The following SHISA9 variants were observed in gnomAD, a reference collection of about 807,000 sequenced individuals.
SHISA9 encodes the protein protein shisa-9.
A neutral mutation model predicts 38.0 loss-of-function variants in SHISA9; 13 were observed. The ratio of observed to expected loss-of-function variants is 0.34; its 90% CI spans 0.22 to 0.54. The LOEUF is 0.54. SHISA9 is among the 20% of genes least tolerant of loss of function. The pLI is 0.91. For missense variants in SHISA9, 538 were observed against 575.8 expected, an observed-to-expected ratio of 0.93 and a Z score of 0.67; for synonymous variants, 275 against 242.0, an observed-to-expected ratio of 1.14 and a Z score of -1.27.
the SHISA9 span, among the ~76,000 whole-genome samples, chr16:13,286,762 G>GT: frequency 2.6e-5 from 4 of 152,134 alleles, no homozygotes; most frequent in Non-Finnish European, 5.9e-5. Context: ...AGGAAATGAA[G>GT]TTAGCATAAG....
At chr16:13,188,299 A>T (rs931482936) in intron 2 of SHISA9, among the ~76,000 whole-genome samples, 14 of 152,370 alleles carry the variant, frequency 9.2e-5, no homozygotes, top group African/African-American at 3.4e-4. Context: ...TTGACACAGC[A>T]GGTGCCTGCA....
At chr16:13,479,846 T>G in the SHISA9 span, among the ~76,000 whole-genome samples, 1 of 152,194 alleles carries the variant, frequency 6.6e-6, no homozygotes. Context: ...TGTGTGAAAA[T>G]TGGACCAACA....
intron 2 of SHISA9, among the ~76,000 whole-genome samples, chr16:12,954,164 A>G (rs1054920886): frequency 2.0e-5 from 3 of 152,172 alleles, no homozygotes; most frequent in African/African-American, 7.2e-5. Flanking sequence ...GTGGAAAATG[A>G]GGAAATAGGC....
At chr16:13,060,632 C>G (rs1283132396) in intron 2 of SHISA9, among the ~76,000 whole-genome samples, 2 of 109,252 alleles carry the variant, frequency 1.8e-5, no homozygotes, top group African/African-American at 7.4e-5. Flanking sequence ...AGTGAGACCC[C>G]ATCTCAAAAA....
chr16:12,912,510 G>T (rs2071199116), intron 1 of SHISA9, among the ~76,000 whole-genome samples: 1 of 152,150 alleles, frequency 6.6e-6, no homozygotes, highest in Non-Finnish European at 1.5e-5. Context: ...CGAGAAACAT[G>T]CACAAACACA....
At chr16:13,052,017 C>A (rs570255202) in intron 2 of SHISA9, among the ~76,000 whole-genome samples, 91 of 152,282 alleles carry the variant, frequency 6.0e-4, no homozygotes, top group Non-Finnish European at 1.0e-3. Context: ...CCTGCCTCGG[C>A]CTCCCAAAGT....
chr16:13,068,856 A>G (rs1301546403), intron 2 of SHISA9, among the ~76,000 whole-genome samples: 2 of 149,812 alleles, frequency 1.3e-5, no homozygotes, highest in South Asian at 2.1e-4. Context: ...ATATATATGC[A>G]TACATGCAAT....
intron 2 of SHISA9, among the ~76,000 whole-genome samples, chr16:12,929,043 C>G (rs1401848713): frequency 6.6e-6 from 1 of 152,094 alleles, no homozygotes; most frequent in Non-Finnish European, 1.5e-5. Context: ...AGAAAAAGTG[C>G]AACATTACTG....
intron 2 of SHISA9, among the ~76,000 whole-genome samples, chr16:13,136,442 A>G (rs1230460437): frequency 2.7e-5 from 3 of 111,254 alleles, no homozygotes; most frequent in African/African-American, 3.7e-5. Flanking sequence ...CTTGTTGCCC[A>G]GGCTGGAATG....
chr16:13,110,207 T>G (rs2141965991), intron 2 of SHISA9, among the ~76,000 whole-genome samples: 1 of 152,268 alleles, frequency 6.6e-6, no homozygotes, highest in East Asian at 1.9e-4. Flanking sequence ...AATGTTCAGG[T>G]CCTTCCATGC....
Position 12,902,424 on chromosome 16 carries a change from C to T in SHISA9, c.360C>T (p.Cys120=), listed in dbSNP as rs1483324329. ...AGCGGCGACTGAACCAAAGCACCTG[C>T]ACCAACTACGACACGCCGCTCTGGC... ...FKKRRLNQST[C]TNYDTPLWLN... The change falls in exon 1 of 5, where the codon TGC becomes TGT. Residue 120 remains cysteine (C), a synonymous_variant. Transcript: ENST00000558583. The T allele has an allele frequency of 6.4e-7, 1 of 1,551,372 alleles. No individual in the cohort carries two copies. Among genetic ancestry groups the T allele is most frequent in the East Asian group, 2.4e-5 (1 of 40,890 alleles).
chr16:13,451,523 C>G, the SHISA9 span, among the ~76,000 whole-genome samples: 1 of 152,148 alleles, frequency 6.6e-6, no homozygotes. Context: ...GGAGGGATTA[C>G]TTTTAGATAT....
intron 2 of SHISA9, among the ~76,000 whole-genome samples, chr16:13,168,634 C>T (rs1003018127): frequency 6.6e-6 from 1 of 152,194 alleles, no homozygotes; most frequent in Non-Finnish European, 1.5e-5. Context: ...AGAAAGCTGG[C>T]CAGAAAGCAG....
chr16:12,994,082 A>G lies in SHISA9; in HGVS notation c.691+77267A>G, dbSNP rs77684426. Among the ~76,000 whole-genome samples the G allele has an allele frequency of 5.3e-4, 80 of 152,324 alleles. No homozygotes were observed. The East Asian group carries it at 0.01, about 19-fold the overall frequency. On this transcript the variant is annotated intron_variant, in intron 2 of 4. Coordinates refer to ENST00000558583, the MANE Select transcript of SHISA9 (RefSeq NM_001145204.3). ...GGGAAGCTTGTGTAAGGTTTTACAGATCAGGATATGGAATTTGGGTCTTTC... is the reference window on the plus strand; with the variant it reads ...GGGAAGCTTGTGTAAGGTTTTACAGGTCAGGATATGGAATTTGGGTCTTTC...
the SHISA9 span, among the ~76,000 whole-genome samples, chr16:13,382,875 A>G: frequency 6.6e-6 from 1 of 151,712 alleles, no homozygotes; most frequent in African/African-American, 2.4e-5. Context: ...ACAAACAAAC[A>G]AAGTAAATTT....
At chr16:13,297,300 T>C in the SHISA9 span, among the ~76,000 whole-genome samples, 71 of 152,338 alleles carry the variant, frequency 4.7e-4, 1 homozygote, top group South Asian at 0.014. Context: ...ATGGGTCACA[T>C]GGTTGAGCCC....
intron 2 of SHISA9, among the ~76,000 whole-genome samples, chr16:13,097,362 T>C (rs2073838163): frequency 6.6e-6 from 1 of 152,114 alleles, no homozygotes; most frequent in Admixed American, 6.5e-5. Flanking sequence ...GCAGGCACTT[T>C]ATGGGATGAG....
chr16:13,246,850 TA>T, the SHISA9 span, among the ~76,000 whole-genome samples: 16 of 150,510 alleles, frequency 1.1e-4, no homozygotes, highest in Non-Finnish European at 2.4e-4. Context: ...TCTGACTATT[TA>T]AAAAAAAACA....
intron 2 of SHISA9, among the ~76,000 whole-genome samples, chr16:12,971,011 G>T (rs1225734703): frequency 3.9e-5 from 6 of 152,180 alleles, no homozygotes; most frequent in African/African-American, 1.4e-4. Context: ...ATTGACTGAA[G>T]AATACACTTT....
Sources: gnomAD v4.1 joint callset for allele counts (sites outside exome capture counted in the v4.1 genomes callset) on GRCh38, gnomAD v4.1.1 for gene constraint, MANE v1.5 for transcripts, NCBI Gene and HGNC (gene_info 2026-07-23, HGNC 2026-07-21) for gene names.